Variants in JARID2 observed in about 807,000 individuals in gnomAD.
The protein encoded by JARID2 is protein Jumonji.
A neutral mutation model predicts 125.6 loss-of-function variants in JARID2; 21 were observed. That is an observed-to-expected ratio of 0.17 (90% CI 0.12 to 0.24). The LOEUF (loss-of-function observed/expected upper bound fraction) is 0.24, where lower values mean the gene tolerates loss of function less well. JARID2 is among the 10% of genes least tolerant of loss of function. The pLI is 1.00. For missense variants in JARID2, 1,303 were observed against 1,639.6 expected, an observed-to-expected ratio of 0.79 and a Z score of 3.55; for synonymous variants, 736 against 661.6, an observed-to-expected ratio of 1.11 and a Z score of -1.73.
chr6:15,449,328 C>G (rs192647075), intron 3 of JARID2, among the ~76,000 whole-genome samples: 120 of 152,244 alleles, frequency 7.9e-4, no homozygotes, highest in Non-Finnish European at 1.5e-3. Context: ...GTGACTGTTT[C>G]ATATCAGTTA....
At position 15,468,677 on chromosome 6, in the gene JARID2, C is replaced by T. The variant is rs1396008016; in HGVS notation, c.629C>T (p.Pro210Leu). The change falls in exon 5 of 18, where the codon CCC (proline) becomes CTC (leucine). Residue 210 changes from proline (P) to leucine (L), a missense_variant. Physicochemically the swap from Pro to Leu is moderately conservative, Grantham distance 98. This residue lies in a region of JARID2 where 651 missense variants were observed against 581.6 expected (regional missense o/e 1.12). Coordinates refer to ENST00000341776, the MANE Select transcript of JARID2 (RefSeq NM_004973.4). Reference sequence around the variant, plus strand: ...GCTTCATCTTCATGCCAGTCGACCCCCAGGAAAGGAAAAACCCACAAACAT... The same window carrying T: ...GCTTCATCTTCATGCCAGTCGACCCTCAGGAAAGGAAAAACCCACAAACAT... ...NNASSSCQST[P>L]RKGKTHKHVH... The T allele has an allele frequency of 1.2e-6, 2 of 1,613,590 alleles. No individual in the cohort carries two copies. Among genetic ancestry groups the T allele is most frequent in the Non-Finnish European group, 8.5e-7 (1 of 1,179,806 alleles).
At chr6:15,502,098 G>A (rs140060208) in intron 8 of JARID2, among the ~76,000 whole-genome samples, 378 of 152,362 alleles carry the variant, frequency 2.5e-3, no homozygotes, top group Non-Finnish European at 4.6e-3. Flanking sequence ...GGAGGGAAGA[G>A]CTGGGGAGAA....
chr6:15,411,066 T>C (rs923229635), intron 3 of JARID2, among the ~76,000 whole-genome samples: 2 of 152,196 alleles, frequency 1.3e-5, no homozygotes, highest in African/African-American at 4.8e-5. Flanking sequence ...ACCTGATATG[T>C]TACTTCCTTT....
At chr6:15,388,099 G>C (rs1764857307) in intron 2 of JARID2, among the ~76,000 whole-genome samples, 1 of 152,130 alleles carries the variant, frequency 6.6e-6, no homozygotes, top group Admixed American at 6.5e-5. Context: ...GGCTTCATGT[G>C]TTTTCTAAAT....
chr6:15,406,664 T>C (rs1765663765), intron 2 of JARID2, among the ~76,000 whole-genome samples: 1 of 152,226 alleles, frequency 6.6e-6, no homozygotes, highest in Non-Finnish European at 1.5e-5. Flanking sequence ...TCATGCCTTA[T>C]CAGAGTAGCC....
At chr6:15,289,414 A>C (rs970871788) in intron 1 of JARID2, among the ~76,000 whole-genome samples, 5 of 152,276 alleles carry the variant, frequency 3.3e-5, no homozygotes, top group Admixed American at 2.6e-4. Flanking sequence ...ATTATATTAA[A>C]ATAGAGACAG....
Position 15,507,164 on chromosome 6 carries a change from A to T in JARID2, c.2570A>T (p.Lys857Met). The stretch of plus-strand genomic sequence containing the variant: ...GAGTACTGGAGGCTAGTGGAAGAGA[A>T]GGACTGCCACGTGGCAGTGCACTGC... ...EQEYWRLVEE[K>M]DCHVAVHCGK... Residue 857 changes from lysine (K) to methionine (M), a missense_variant, in exon 10 of 18, where the codon AAG becomes ATG. Transcript: ENST00000341776. The T allele has an allele frequency of 6.2e-7, 1 of 1,612,802 alleles. No homozygotes were observed. Among genetic ancestry groups the T allele is most frequent in the Non-Finnish European group, 8.5e-7 (1 of 1,178,754 alleles).
chr6:15,457,593 A>C (rs961784174), intron 4 of JARID2, among the ~76,000 whole-genome samples: 1 of 149,122 alleles, frequency 6.7e-6, no homozygotes, highest in Non-Finnish European at 1.5e-5. Flanking sequence ...GTTGCTAAGG[A>C]TCCAGGTCTT....
chr6:15,393,328 T>C (rs2237155), intron 2 of JARID2, among the ~76,000 whole-genome samples: 80,766 of 152,094 alleles, frequency 0.53, 21,639 homozygotes, highest in South Asian at 0.65. Context: ...AATTTATTGC[T>C]GAGTTCAAAA....
intron 1 of JARID2, among the ~76,000 whole-genome samples, chr6:15,251,531 C>T (rs1406697518): frequency 6.6e-6 from 1 of 152,228 alleles, no homozygotes; most frequent in Non-Finnish European, 1.5e-5. Context: ...TGACTGATAT[C>T]CCAGGATACA....
intron 3 of JARID2, among the ~76,000 whole-genome samples, chr6:15,440,138 G>A (rs778684719): frequency 1.7e-4 from 26 of 152,214 alleles, no homozygotes; most frequent in Admixed American, 5.9e-4. Context: ...CATTTAAGCC[G>A]TACGCAATTA....
At chr6:15,442,309 A>G (rs1767482457) in intron 3 of JARID2, among the ~76,000 whole-genome samples, 1 of 152,160 alleles carries the variant, frequency 6.6e-6, no homozygotes, top group Admixed American at 6.5e-5. Context: ...AGATAGTAGA[A>G]AGGCAAATTA....
intron 16 of JARID2, 75 bp downstream of exon 16, chr6:15,513,497 A>AGG (rs1467278993): frequency 1.4e-6 from 2 of 1,395,608 alleles, no homozygotes; most frequent in African/African-American, 2.8e-5. Context: ...CCCCCAGAAG[A>AGG]GGGAGGGCGC....
intron 2 of JARID2, among the ~76,000 whole-genome samples, chr6:15,388,977 CT>C (rs1191372196): frequency 6.6e-6 from 1 of 152,058 alleles, no homozygotes; most frequent in Non-Finnish European, 1.5e-5. Context: ...CCTGTTCATG[CT>C]TGGTACTGCC....
At chr6:15,480,463 G>T (rs1189314161) in intron 5 of JARID2, among the ~76,000 whole-genome samples, 1 of 152,112 alleles carries the variant, frequency 6.6e-6, no homozygotes, top group East Asian at 1.9e-4. Context: ...TACACATCAG[G>T]ATTCCCTCTT....
At chr6:15,424,019 T>C (rs1247353710) in intron 3 of JARID2, among the ~76,000 whole-genome samples, 1 of 152,206 alleles carries the variant, frequency 6.6e-6, no homozygotes, top group Non-Finnish European at 1.5e-5. Context: ...GTCTGCGTTG[T>C]TTGGCCAGTA....
At chr6:15,337,704 T>TC (rs1762925435) in intron 1 of JARID2, among the ~76,000 whole-genome samples, 1 of 151,322 alleles carries the variant, frequency 6.6e-6, no homozygotes, top group South Asian at 2.1e-4. Context: ...TCTTAAACTG[T>TC]TTCTCTCTTT....
chr6:15,459,311 G>T (rs1581593959), intron 4 of JARID2, among the ~76,000 whole-genome samples: 1 of 152,188 alleles, frequency 6.6e-6, no homozygotes, highest in Admixed American at 6.5e-5. Flanking sequence ...GTATTTGCAT[G>T]TATGCACATC....
chr6:15,377,724 G>T (rs866816571), intron 2 of JARID2, among the ~76,000 whole-genome samples: 5 of 152,096 alleles, frequency 3.3e-5, no homozygotes, highest in South Asian at 2.1e-4. Flanking sequence ...AGTAGGGATG[G>T]GGTTTCACCA....
Sources: allele counts gnomAD v4.1 joint callset (sites outside exome capture counted in the v4.1 genomes callset), GRCh38; gene constraint gnomAD v4.1.1; regional missense constraint gnomAD v4.1.1; transcripts MANE v1.5; gene names NCBI Gene and HGNC (gene_info 2026-07-23, HGNC 2026-07-21).